KIAA1328: variants seen among roughly 807,000 people sequenced by gnomAD.
The protein encoded by KIAA1328 is protein hinderin.
In KIAA1328, 52 loss-of-function variants were observed where a neutral mutation model predicts 68.1. That is an observed-to-expected ratio of 0.76 (90% CI 0.61 to 0.96). KIAA1328 has a LOEUF of 0.96. Among genes scored for constraint, KIAA1328 ranks in the 40% least tolerant of loss-of-function variants. KIAA1328 has a pLI of 0.00. For synonymous variants in KIAA1328, 232 were observed against 239.4 expected (o/e 0.97, Z 0.28); for missense variants, 641 against 677.6 (o/e 0.95, Z 0.60).
intron 7 of KIAA1328, among the ~76,000 whole-genome samples, chr18:37,150,023 T>G (rs2058992714): frequency 6.6e-6 from 1 of 152,102 alleles, no homozygotes. Flanking sequence ...CAATATAAAT[T>G]CCTTTAAGTC....
chr18:37,094,953 CAA>C (rs34821590), intron 7 of KIAA1328, among the ~76,000 whole-genome samples: 15,513 of 136,998 alleles, frequency 0.11, 2,668 homozygotes, highest in African/African-American at 0.37. Flanking sequence ...GGTTTTATGT[CAA>C]AAAAAAAAAA....
chr18:37,154,909 C>T (rs1350488149), intron 7 of KIAA1328, among the ~76,000 whole-genome samples: 10 of 152,062 alleles, frequency 6.6e-5, no homozygotes, highest in East Asian at 1.9e-4. Context: ...CTTCCTGGAC[C>T]GAATGGTTGA....
Position 37,223,178 on chromosome 18 carries a change from T to C in KIAA1328, c.*951T>C. 4 of 984,886 alleles carry C rather than the reference T, an allele frequency of 4.1e-6. No homozygotes were observed. Among genetic ancestry groups the C allele is most frequent in the Non-Finnish European group, 4.8e-6 (4 of 829,920 alleles). 61.0% of individuals were successfully genotyped at this position (984,886 alleles called of 1,614,324 possible). A position where few individuals can be genotyped will look rare whatever the true frequency, so the allele number is the denominator to read the frequency against. ...ATGGGCTTCCTCTGGCCCTCCCTTTTCCTCCACGAGGATTAAAGGATACAA... is the reference window on the plus strand; with the variant it reads ...ATGGGCTTCCTCTGGCCCTCCCTTTCCCTCCACGAGGATTAAAGGATACAA... On this transcript the variant is annotated 3_prime_UTR_variant, in exon 10 of 10. Transcript: ENST00000280020.
chr18:37,165,664 T>C (rs1002968813), intron 8 of KIAA1328, among the ~76,000 whole-genome samples: 8 of 149,252 alleles, frequency 5.4e-5, no homozygotes, highest in Non-Finnish European at 8.9e-5. Flanking sequence ...TGATCTCGGC[T>C]CACCACAACC....
chr18:37,025,982 C>A (rs1398392419), intron 6 of KIAA1328, among the ~76,000 whole-genome samples: 1 of 151,858 alleles, frequency 6.6e-6, no homozygotes, highest in African/African-American at 2.4e-5. Context: ...GCTAGCAAGA[C>A]TAACAAAGAA....
chr18:36,871,575 A>G (rs1288743947), intron 4 of KIAA1328, among the ~76,000 whole-genome samples: 1 of 152,168 alleles, frequency 6.6e-6, no homozygotes, highest in Non-Finnish European at 1.5e-5. Flanking sequence ...TGGGAACATA[A>G]GAGTGAAAAC....
At chr18:36,946,913 T>C (rs2050925477) in intron 5 of KIAA1328, among the ~76,000 whole-genome samples, 1 of 152,154 alleles carries the variant, frequency 6.6e-6, no homozygotes, top group Non-Finnish European at 1.5e-5. Flanking sequence ...ATGATAGCAC[T>C]GGAAGATGAA....
chr18:36,964,729 G>A (rs933586652), intron 6 of KIAA1328, among the ~76,000 whole-genome samples: 3 of 152,064 alleles, frequency 2.0e-5, no homozygotes, highest in African/African-American at 7.2e-5. Flanking sequence ...TATTTAGGTT[G>A]TAGTGTTTAT....
At chr18:37,037,297 G>A (rs1275214284) in intron 6 of KIAA1328, among the ~76,000 whole-genome samples, 1 of 152,152 alleles carries the variant, frequency 6.6e-6, no homozygotes, top group Non-Finnish European at 1.5e-5. Context: ...TAGTAAGTGG[G>A]ATCTTGTAAG....
At chr18:36,918,488 C>G (rs2084181773) in intron 5 of KIAA1328, among the ~76,000 whole-genome samples, 1 of 148,496 alleles carries the variant, frequency 6.7e-6, no homozygotes, top group Non-Finnish European at 1.5e-5. Flanking sequence ...TCTTGGCTCA[C>G]TGCAACCTCC....
chr18:36,842,649 G>A (rs1244374971), intron 3 of KIAA1328, among the ~76,000 whole-genome samples: 7 of 151,032 alleles, frequency 4.6e-5, no homozygotes, highest in Admixed American at 4.6e-4. Flanking sequence ...TTTTGCTGTT[G>A]TTAACACAAT....
chr18:36,927,537 A>G (rs983752639), intron 5 of KIAA1328, among the ~76,000 whole-genome samples: 1 of 152,170 alleles, frequency 6.6e-6, no homozygotes, highest in Non-Finnish European at 1.5e-5. Context: ...ACTTGAGCTC[A>G]GGTGTTCGAG....
At chr18:37,154,709 A>G (rs1023598622) in intron 7 of KIAA1328, among the ~76,000 whole-genome samples, 12 of 152,280 alleles carry the variant, frequency 7.9e-5, no homozygotes, top group South Asian at 2.1e-4. Flanking sequence ...CAGAAAAATC[A>G]TTGACTCTGC....
chr18:37,074,118 T>A (rs566444865), intron 7 of KIAA1328, among the ~76,000 whole-genome samples: 15 of 152,238 alleles, frequency 9.9e-5, no homozygotes, highest in Non-Finnish European at 2.1e-4. Flanking sequence ...CATGTTTGGC[T>A]GTAGTAGGAC....
chr18:37,032,656 T>G (rs1229857132), intron 6 of KIAA1328, among the ~76,000 whole-genome samples: 4 of 152,160 alleles, frequency 2.6e-5, no homozygotes, highest in Non-Finnish European at 5.9e-5. Flanking sequence ...TTTGTTTGTT[T>G]TTGAGATGGA....
intron 6 of KIAA1328, among the ~76,000 whole-genome samples, chr18:37,021,714 G>A (rs1027716080): frequency 4.6e-5 from 7 of 152,032 alleles, no homozygotes; most frequent in African/African-American, 7.2e-5. Context: ...TCTCTGTACA[G>A]GGGAGCTTCT....
chr18:36,922,947 C>T (rs973529129), intron 5 of KIAA1328, among the ~76,000 whole-genome samples: 1 of 151,990 alleles, frequency 6.6e-6, no homozygotes, highest in Non-Finnish European at 1.5e-5. Flanking sequence ...CAAGGTATTA[C>T]AATATATTGA....
intron 6 of KIAA1328, among the ~76,000 whole-genome samples, chr18:36,967,590 A>G (rs1349297429): frequency 2.6e-5 from 4 of 152,226 alleles, no homozygotes; most frequent in East Asian, 1.9e-4. Flanking sequence ...AAGATGGCCA[A>G]CTAGACCCAG....
chr18:37,123,484 T>G (rs2058320140), intron 7 of KIAA1328, among the ~76,000 whole-genome samples: 1 of 152,108 alleles, frequency 6.6e-6, no homozygotes, highest in Non-Finnish European at 1.5e-5. Flanking sequence ...GCAAATACAA[T>G]TTATTGAGAA....
Sources: allele counts gnomAD v4.1 joint callset (sites outside exome capture counted in the v4.1 genomes callset), GRCh38; gene constraint gnomAD v4.1.1; transcripts MANE v1.5; gene names NCBI Gene and HGNC (gene_info 2026-07-23, HGNC 2026-07-21).